PAN3: variants seen among roughly 807,000 people sequenced by gnomAD.
PAN3 encodes PAN2-PAN3 deadenylation complex subunit PAN3.
In PAN3, 19 loss-of-function variants were observed where a neutral mutation model predicts 96.2. That is an observed-to-expected ratio of 0.20 (90% CI 0.14 to 0.29). The LOEUF (loss-of-function observed/expected upper bound fraction) is 0.29. Among genes scored for constraint, PAN3 ranks in the 10% least tolerant of loss-of-function variants. PAN3 has a pLI of 1.00. For synonymous variants in PAN3, 433 were observed against 406.6 expected (o/e 1.06, Z -0.78); for missense variants, 882 against 1,108.1 (o/e 0.80, Z 2.90).
At chr13:28,276,534 A>G (rs1290759539) in intron 14 of PAN3, among the ~76,000 whole-genome samples, 1 of 152,194 alleles carries the variant, frequency 6.6e-6, no homozygotes, top group Non-Finnish European at 1.5e-5. Context: ...GGAAAGCCTC[A>G]GAATGGTAAA....
rs1002618374 is a variant in PAN3, at chr13:28,294,274, A to C, written c.*1752A>C. 1 of 152,674 alleles carries C rather than the reference A, an allele frequency of 6.5e-6. No homozygotes were observed. The highest frequency in any genetic ancestry group is 1.5e-5 in the Non-Finnish European group (1 of 68,044). The allele number at this position is 152,674 out of a possible 1,614,324, so 9.5% of individuals were successfully genotyped here. Reference sequence around the variant, plus strand: ...AAGGATAATTCACATTTGCCACCATAATGTTCTTTTTTATGTAAAAAGAAG... The same window carrying C: ...AAGGATAATTCACATTTGCCACCATCATGTTCTTTTTTATGTAAAAAGAAG... On this transcript the variant is annotated 3_prime_UTR_variant, in exon 19 of 19. Coordinates refer to ENST00000380958, the MANE Select transcript of PAN3 (RefSeq NM_175854.8).
At chr13:28,229,035 G>A (rs1299079361) in intron 6 of PAN3, among the ~76,000 whole-genome samples, 1 of 152,170 alleles carries the variant, frequency 6.6e-6, no homozygotes, top group Admixed American at 6.5e-5. Context: ...GAAAGGAAGG[G>A]GAAGAGCATG....
chr13:28,138,681 G>A lies in PAN3; in HGVS notation c.24G>A (p.Pro8=). The change falls in exon 1 of 19, where the codon CCG becomes CCA. Residue 8 remains proline (P), a synonymous_variant. Transcript: ENST00000380958. MNSGGGL[P]PPSAAASPSS... is the part of the protein sequence containing the mutation. ...CCATGAACAGTGGCGGCGGCCTCCC[G>A]CCCCCCTCGGCCGCCGCCTCCCCTT... is the stretch of plus-strand genomic sequence containing the variant. 1.1e-6 allele frequency: 1 copy of A among 906,810 alleles called. No individual in the cohort carries two copies. 56.2% of individuals were successfully genotyped at this position (906,810 alleles called of 1,614,324 possible). A position where few individuals can be genotyped will look rare whatever the true frequency, so the allele number is the denominator to read the frequency against.
chr13:28,198,155 G>A (rs960711138), intron 5 of PAN3, among the ~76,000 whole-genome samples: 2 of 151,908 alleles, frequency 1.3e-5, no homozygotes, highest in African/African-American at 4.8e-5. Flanking sequence ...GTGTGGTGGG[G>A]AGCACCTGCA....
chr13:28,142,511 A>ATTTTTTTTTTTTTTTTTTT (rs74881179), intron 1 of PAN3, among the ~76,000 whole-genome samples: 1 of 126,674 alleles, frequency 7.9e-6, no homozygotes, highest in African/African-American at 3.2e-5. Flanking sequence ...ATAGATGGCA[A>ATTTTTTTTTTTTTTTTTTT]TTTTTTTTTT....
chr13:28,267,210 C>G lies in PAN3; in HGVS notation c.1689C>G (p.Pro563=), dbSNP rs763018567. ...EVFTTKAFAE[P]SLVFAYDFHA... ...TTACCACTAAAGCATTTGCTGAGCC[C>G]TGTGAGTAACTTGTAATTTGTCTTT... Residue 563 remains proline (P), a splice_region_variant and synonymous_variant, in exon 11 of 19, where the codon CCC becomes CCG. Transcript: ENST00000380958. 1.2e-6 allele frequency: 2 copies of G among 1,612,548 alleles called. No homozygotes were observed.
intron 6 of PAN3, among the ~76,000 whole-genome samples, chr13:28,227,451 T>C (rs1882120141): frequency 6.6e-6 from 1 of 152,170 alleles, no homozygotes; most frequent in Non-Finnish European, 1.5e-5. Context: ...GATCCAGTGA[T>C]CTACAGCTGC....
intron 1 of PAN3, among the ~76,000 whole-genome samples, chr13:28,142,489 G>A (rs1190397026): frequency 6.7e-6 from 1 of 149,546 alleles, no homozygotes; most frequent in Non-Finnish European, 1.5e-5. Context: ...TTATGTGTGT[G>A]AGGCAGTTAA....
intron 1 of PAN3, among the ~76,000 whole-genome samples, chr13:28,173,152 G>T (rs1275514895): frequency 6.6e-6 from 1 of 152,172 alleles, no homozygotes; most frequent in Non-Finnish European, 1.5e-5. Flanking sequence ...AGCTACTTAC[G>T]GCAATAGCAG....
At chr13:28,225,865 A>G (rs1881946177) in intron 6 of PAN3, among the ~76,000 whole-genome samples, 1 of 152,238 alleles carries the variant, frequency 6.6e-6, no homozygotes, top group Non-Finnish European at 1.5e-5. Flanking sequence ...GCGTCAGGCA[A>G]CCGGGGAGAA....
intron 5 of PAN3, chr13:28,215,307 G>T: frequency 2.7e-6 from 2 of 727,348 alleles, no homozygotes; most frequent in South Asian, 1.5e-5. Flanking sequence ...TGTGTCTGTG[G>T]ACCGAGTGGA....
rs1332265070 is a variant in PAN3, at chr13:28,246,996, T to A, written c.1001-9296T>A. Among the ~76,000 whole-genome samples, 7 of 152,292 alleles carry A rather than the reference T, an allele frequency of 4.6e-5. No individual in the cohort carries two copies. In the South Asian group the frequency reaches 1.4e-3, roughly 32 times the overall value. ...TTTTAGTTTTTTTGAGGAACCTCCA[T>A]ACTGTTTTCCATAGTGGCTGTACTC... On this transcript the variant is annotated intron_variant, in intron 6 of 18. Transcript: ENST00000380958.
chr13:28,223,174 A>G (rs184003665), intron 6 of PAN3, among the ~76,000 whole-genome samples: 91 of 152,338 alleles, frequency 6.0e-4, no homozygotes, highest in Admixed American at 1.2e-3. Flanking sequence ...TTTTTGGTAT[A>G]TGTCTCAATG....
rs1870117701 is a variant in PAN3, at chr13:28,294,563, G to C, written c.*2041G>C. ...GAACTTTTTGAAAATTTAATTTGTG[G>C]ACCAATGTTTTGTGAAAGCTAAAGA... On this transcript the variant is annotated 3_prime_UTR_variant, in exon 19 of 19. Coordinates refer to ENST00000380958, the MANE Select transcript of PAN3 (RefSeq NM_175854.8). 6.6e-6 allele frequency: 1 copy of C among 152,510 alleles called. No homozygotes were observed. Among genetic ancestry groups the C allele is most frequent in the Non-Finnish European group, 1.5e-5 (1 of 68,028 alleles). The allele number at this position is 152,510 out of a possible 1,614,324, so 9.4% of individuals were successfully genotyped here.
In PAN3 at chr13:28,207,362, C is replaced by G. The variant is rs146478848; in HGVS notation, c.852+10016C>G. 3.1e-3 allele frequency among the ~76,000 whole-genome samples: 475 copies of G among 152,272 alleles called. 3 individuals carry two copies. Among genetic ancestry groups the G allele is most frequent in the African/African-American group, 0.011 (449 of 41,562 alleles). On this transcript the variant is annotated intron_variant, in intron 5 of 18. Coordinates refer to ENST00000380958, the MANE Select transcript of PAN3 (RefSeq NM_175854.8). ...GGATTATTATATTGTGGTGTCTTAGCTGGTTTCCTGCTTCTAGTCTTCTTT... is the reference window on the plus strand; with the variant it reads ...GGATTATTATATTGTGGTGTCTTAGGTGGTTTCCTGCTTCTAGTCTTCTTT...
chr13:28,158,819 A>G (rs1872541527), intron 1 of PAN3, among the ~76,000 whole-genome samples: 2 of 151,748 alleles, frequency 1.3e-5, no homozygotes, highest in East Asian at 1.9e-4. Flanking sequence ...CGGAGCTCAC[A>G]GTGAGTGGAT....
rs1052764730 is a variant in PAN3 at position 28,215,705 on chromosome 13, C to T, written c.853-4526C>T. 8.1e-5 allele frequency: 120 copies of T among 1,488,850 alleles called. No homozygotes were observed. In the Admixed American group the frequency reaches 1.6e-3, roughly 20 times the overall value. 92.2% of individuals were successfully genotyped at this position (1,488,850 alleles called of 1,614,324 possible). A position where few individuals can be genotyped will look rare whatever the true frequency, so the allele number is the denominator to read the frequency against. ...CTAAATTCTTGAAGTCTGGTGATGC[C>T]GCCATTGTTGATATAGTTCCTGGCA... On this transcript the variant is annotated intron_variant, in intron 5 of 18. Transcript: ENST00000380958.
intron 5 of PAN3, among the ~76,000 whole-genome samples, chr13:28,201,913 A>T (rs928744163): frequency 3.3e-5 from 5 of 152,174 alleles, no homozygotes; most frequent in Admixed American, 2.0e-4. Context: ...AAAGTCTAGA[A>T]ATACGGTTTA....
At chr13:28,188,956 AT>A (rs1876851273) in intron 4 of PAN3, among the ~76,000 whole-genome samples, 1 of 152,232 alleles carries the variant, frequency 6.6e-6, no homozygotes, top group Admixed American at 6.5e-5. Flanking sequence ...GGAGAAGAGA[AT>A]AGATCTTCTT....
Sources: allele counts gnomAD v4.1 joint callset (sites outside exome capture counted in the v4.1 genomes callset), GRCh38; gene constraint gnomAD v4.1.1; transcripts MANE v1.5; gene names NCBI Gene and HGNC (gene_info 2026-07-23, HGNC 2026-07-21).